Variants in C1orf87 observed in about 807,000 individuals in gnomAD.
C1orf87 encodes uncharacterized protein C1orf87.
C1orf87 carries 58 observed loss-of-function variants against 60.5 expected under a neutral mutation model. That is an observed-to-expected ratio of 0.96 (90% CI 0.78 to 1.19). The LOEUF is 1.19. Ranked by LOEUF, C1orf87 falls within the 50% of genes most tolerant of loss-of-function variation. The probability of loss-of-function intolerance (pLI) is 0.00; values close to 1 mark genes in which losing one functional copy is unlikely to be tolerated. For missense variants in C1orf87, 673 were observed against 638.6 expected (o/e 1.05, Z -0.58); for synonymous variants, 236 against 227.4 (o/e 1.04, Z -0.34).
chr1:59,990,676 T>A lies in C1orf87; in HGVS notation c.1638A>T (p.Leu546=), dbSNP rs1161305455. ...LEPALRYLKE[L] ...TTCTCACAATATGGGCTTGTTATCA[T>A]AGCTCCTTTAAGTACCGCAGTGCTG... is the stretch of plus-strand genomic sequence containing the variant. Residue 546 remains leucine, a synonymous_variant, in exon 12 of 12, where the codon CTA becomes CTT. Coordinates refer to ENST00000371201, the MANE Select transcript of C1orf87 (RefSeq NM_152377.3). 1 of 1,613,746 alleles carries A rather than the reference T, an allele frequency of 6.2e-7. No individual in the cohort carries two copies. Among genetic ancestry groups the A allele is most frequent in the Non-Finnish European group, 8.5e-7 (1 of 1,179,888 alleles).
At chr1:60,030,828 G>A (rs1370630572) in intron 7 of C1orf87, among the ~76,000 whole-genome samples, 1 of 152,206 alleles carries the variant, frequency 6.6e-6, no homozygotes. Context: ...AGAGGAACAG[G>A]ATGAGTGAGT....
chr1:59,994,280 AATC>A (rs1214553491), intron 11 of C1orf87, among the ~76,000 whole-genome samples: 1 of 151,380 alleles, frequency 6.6e-6, no homozygotes, highest in Non-Finnish European at 1.5e-5. Context: ...TAAAAAAAAA[AATC>A]AAGCAAAATC....
chr1:60,057,853 C>A (rs191518781), intron 2 of C1orf87, among the ~76,000 whole-genome samples: 1 of 152,074 alleles, frequency 6.6e-6, no homozygotes, highest in Admixed American at 6.6e-5. Flanking sequence ...GTTGGCTGGG[C>A]CAACTGAGTG....
At chr1:60,067,982 C>A (rs985558028) in intron 2 of C1orf87, among the ~76,000 whole-genome samples, 3 of 152,090 alleles carry the variant, frequency 2.0e-5, no homozygotes, top group South Asian at 2.1e-4. Flanking sequence ...AATAGGAAAT[C>A]TTTTCCTCAT....
In C1orf87 at chr1:60,041,013, C is replaced by T. The variant is rs1319791145; in HGVS notation, c.461G>A (p.Arg154Lys). Residue 154 changes from arginine to lysine, a missense_variant, in exon 4 of 12, where the codon AGA (arginine) becomes AAA (lysine). By Grantham distance (26) the Arg-to-Lys change is conservative. Coordinates refer to ENST00000371201, the MANE Select transcript of C1orf87 (RefSeq NM_152377.3). ...CACCTCAGGTTGGTCAGAGCTGCCTCTCACCATCTGTTCCAAGGACCAGTC... is the reference window on the plus strand; with the variant it reads ...CACCTCAGGTTGGTCAGAGCTGCCTTTCACCATCTGTTCCAAGGACCAGTC... ...LRDWSLEQMV[R>K]GSSDQPEDIG... is the part of the protein sequence containing the mutation. 6.2e-7 allele frequency: 1 copy of T among 1,612,892 alleles called. No individual in the cohort carries two copies. The highest frequency in any genetic ancestry group is 1.1e-5 in the South Asian group (1 of 90,930).
At position 60,072,532 on chromosome 1, in the gene C1orf87, C is replaced by A; in HGVS notation, c.107+5G>T. ...AACATAGATATTTTTCAAATATGGA[C>A]TTACATCTTTGGCTTCTCCACGAGG... On this transcript the variant is annotated splice_donor_5th_base_variant and intron_variant, in intron 2 of 11. Transcript: ENST00000371201. 1 of 1,587,424 alleles carries A rather than the reference C, an allele frequency of 6.3e-7. No homozygotes were observed. Among genetic ancestry groups the A allele is most frequent in the Non-Finnish European group, 8.6e-7 (1 of 1,162,420 alleles).
At chr1:60,061,804 A>AAAAAG (rs1645498722) in intron 2 of C1orf87, among the ~76,000 whole-genome samples, 2 of 146,474 alleles carry the variant, frequency 1.4e-5, no homozygotes, top group East Asian at 2.0e-4. Flanking sequence ...AAAAAAAAAT[A>AAAAAG]GCTGGGCTTT....
intron 2 of C1orf87, among the ~76,000 whole-genome samples, chr1:60,062,993 A>G (rs185605232): frequency 1.3e-5 from 2 of 152,242 alleles, no homozygotes; most frequent in Admixed American, 1.3e-4. Flanking sequence ...AACAAACACA[A>G]AAACAAACAA....
chr1:60,010,610 A>G lies in C1orf87; in HGVS notation c.1128-154T>C, dbSNP rs907426378. Among the ~76,000 whole-genome samples the G allele has an allele frequency of 2.0e-5, 3 of 152,034 alleles. No homozygotes were observed. In the East Asian group the frequency reaches 5.8e-4, roughly 29 times the overall value. On this transcript the variant is annotated intron_variant, in intron 8 of 11. Transcript: ENST00000371201. ...ATGCAGGAAACAGAAACTACTTTGT[A>G]TATCTTTATTAAAAAGGGCTTTGAT... is the stretch of plus-strand genomic sequence containing the variant.
At position 60,025,396 on chromosome 1, in the gene C1orf87, C is replaced by T; in HGVS notation, c.1127+5G>A. 3 of 1,605,268 alleles carry T rather than the reference C, an allele frequency of 1.9e-6. No homozygotes were observed. The highest frequency in any genetic ancestry group is 2.6e-6 in the Non-Finnish European group (3 of 1,172,810). ...ACATTCAGTTCTTAATAAGAGTTGA[C>T]TTACTTTATTTCATTTTGGTAACCC... is the stretch of plus-strand genomic sequence containing the variant. On this transcript the variant is annotated splice_donor_5th_base_variant and intron_variant, in intron 8 of 11. Coordinates refer to ENST00000371201, the MANE Select transcript of C1orf87 (RefSeq NM_152377.3).
intron 2 of C1orf87, among the ~76,000 whole-genome samples, chr1:60,061,258 C>A (rs1645494767): frequency 6.6e-6 from 1 of 152,136 alleles, no homozygotes; most frequent in Non-Finnish European, 1.5e-5. Context: ...GCTGGCGAAA[C>A]TAAAGGTGGC....
At chr1:60,012,109 CT>C (rs1645089490) in intron 8 of C1orf87, among the ~76,000 whole-genome samples, 1 of 151,862 alleles carries the variant, frequency 6.6e-6, no homozygotes, top group Non-Finnish European at 1.5e-5. Context: ...TCTACACTTC[CT>C]GCAATTTCTT....
At chr1:60,053,383 T>G (rs1001001624) in intron 3 of C1orf87, among the ~76,000 whole-genome samples, 4 of 152,162 alleles carry the variant, frequency 2.6e-5, no homozygotes, top group Non-Finnish European at 4.4e-5. Context: ...CCCTTAAACA[T>G]GAACTAAAGA....
At chr1:60,010,036 A>T (rs369293207) in intron 9 of C1orf87, among the ~76,000 whole-genome samples, 3 of 151,230 alleles carry the variant, frequency 2.0e-5, no homozygotes, top group African/African-American at 4.9e-5. Context: ...TTGTGGAGAC[A>T]TCAGTGGAAT....
chr1:60,009,625 GACAC>G (rs142021801), intron 9 of C1orf87, among the ~76,000 whole-genome samples: 1 of 151,310 alleles, frequency 6.6e-6, no homozygotes, highest in African/African-American at 2.4e-5. Context: ...TTTAATCCCG[GACAC>G]ACACACACGC....
chr1:60,021,730 A>G (rs1645164439), intron 8 of C1orf87, among the ~76,000 whole-genome samples: 1 of 152,232 alleles, frequency 6.6e-6, no homozygotes, highest in Non-Finnish European at 1.5e-5. Context: ...GGAGATACAG[A>G]TAATAGCTAT....
Position 60,072,566 on chromosome 1 carries a change from G to T in C1orf87, c.78C>A (p.His26Gln), listed in dbSNP as rs1452251767. The change falls in exon 2 of 12, where the codon CAC becomes CAA. Residue 26 changes from histidine to glutamine, a missense_variant. By Grantham distance (24) the His-to-Gln change is conservative (BLOSUM62 0). Transcript: ENST00000371201. ...TTGGCTTCTCCACGAGGTATTGAAAGTGTTTACTTCCAATGATTTTCACCA... is the reference window on the plus strand; with the variant it reads ...TTGGCTTCTCCACGAGGTATTGAAATTGTTTACTTCCAATGATTTTCACCA... ...EIMVKIIGSK[H>Q]FQYLVEKPKI... 1 of 1,612,750 alleles carries T rather than the reference G, an allele frequency of 6.2e-7. No homozygotes were observed. The highest frequency in any genetic ancestry group is 8.5e-7 in the Non-Finnish European group (1 of 1,179,792).
rs1258697291 is a variant in C1orf87, at chr1:60,063,536, T to G, written c.108-8098A>C. On this transcript the variant is annotated intron_variant, in intron 2 of 11. Transcript: ENST00000371201. The stretch of plus-strand genomic sequence containing the variant: ...AAATCCAAAGTTTCTACTATGGCCC[T>G]ACTGGCTTCTCTGACCTTATTTCCT... Among the ~76,000 whole-genome samples, 4 of 152,290 alleles carry G rather than the reference T, an allele frequency of 2.6e-5. No individual in the cohort carries two copies. The East Asian group carries it at 5.8e-4, about 22-fold the overall frequency.
intron 2 of C1orf87, among the ~76,000 whole-genome samples, chr1:60,057,051 A>C (rs547106634): frequency 1.7e-4 from 26 of 152,276 alleles, no homozygotes; most frequent in African/African-American, 6.0e-4. Flanking sequence ...CTAGGAAAAA[A>C]CTCTGATGGA....
Sources: gnomAD v4.1 joint callset for allele counts (sites outside exome capture counted in the v4.1 genomes callset) on GRCh38, gnomAD v4.1.1 for gene constraint, MANE v1.5 for transcripts, NCBI Gene and HGNC (gene_info 2026-07-23, HGNC 2026-07-21) for gene names.